The following MGAT4A variants were observed in gnomAD, a reference collection of about 807,000 sequenced individuals.
The protein encoded by MGAT4A is N-acetylglucosaminyltransferase IVa.
A neutral mutation model predicts 74.1 loss-of-function variants in MGAT4A; 33 were observed. That is an observed-to-expected ratio of 0.45 (90% CI 0.34 to 0.60). The LOEUF is 0.60. Among genes scored for constraint, MGAT4A ranks in the 20% least tolerant of loss-of-function variants. The pLI is 0.02. For synonymous variants in MGAT4A, 198 were observed against 210.4 expected (o/e 0.94, Z 0.51); for missense variants, 479 against 628.3 (o/e 0.76, Z 2.54).
In MGAT4A at chr2:98,645,312, A is replaced by C. The variant is rs1352953765; in HGVS notation, c.889+116T>G. 5.5e-6 allele frequency: 4 copies of C among 720,924 alleles called. No homozygotes were observed. The East Asian group carries it at 8.7e-5, about 16-fold the overall frequency. The allele number at this position is 720,924 out of a possible 1,614,324, so 44.7% of individuals were successfully genotyped here. On this transcript the variant is annotated intron_variant, in intron 9 of 15. Transcript: ENST00000393487. ...GTTTACCTAACTTAAGTTTTCTCTAAAACAACCCATTTCCATAGGAAAAAA... is the reference window on the plus strand; with the variant it reads ...GTTTACCTAACTTAAGTTTTCTCTACAACAACCCATTTCCATAGGAAAAAA...
At chr2:98,658,770 C>A (rs1701699785) in intron 5 of MGAT4A, among the ~76,000 whole-genome samples, 1 of 152,172 alleles carries the variant, frequency 6.6e-6, no homozygotes, top group South Asian at 2.1e-4. Flanking sequence ...GCTATTATTA[C>A]ACCATATTAA....
intron 14 of MGAT4A, among the ~76,000 whole-genome samples, chr2:98,632,441 C>G (rs564032325): frequency 1.3e-5 from 2 of 152,382 alleles, no homozygotes; most frequent in South Asian, 4.1e-4. Flanking sequence ...ACTAGCATCT[C>G]TTTCCCTAGT....
intron 8 of MGAT4A, among the ~76,000 whole-genome samples, chr2:98,646,126 G>A (rs1701480908): frequency 1.3e-5 from 2 of 152,000 alleles, no homozygotes; most frequent in African/African-American, 4.8e-5. Flanking sequence ...CTAAGTAAAA[G>A]TCCTATAATT....
chr2:98,701,849 T>G (rs891368625), intron 2 of MGAT4A, among the ~76,000 whole-genome samples: 1 of 152,190 alleles, frequency 6.6e-6, no homozygotes, highest in South Asian at 2.1e-4. Context: ...AACTTTCTTA[T>G]GCCCTGATGT....
At chr2:98,648,993 C>T (rs1701536904) in intron 8 of MGAT4A, among the ~76,000 whole-genome samples, 2 of 152,166 alleles carry the variant, frequency 1.3e-5, no homozygotes, top group South Asian at 4.1e-4. Flanking sequence ...TATGACTGTG[C>T]CACTGCGCTC....
chr2:98,700,468 A>G (rs923508418), intron 2 of MGAT4A, among the ~76,000 whole-genome samples: 1 of 151,756 alleles, frequency 6.6e-6, no homozygotes, highest in African/African-American at 2.4e-5. Flanking sequence ...GAACCCCTTT[A>G]CACTGTCTTC....
Position 98,622,217 on chromosome 2 carries a change from G to A in MGAT4A, c.*3349C>T. On this transcript the variant is annotated 3_prime_UTR_variant, in exon 16 of 16. Coordinates refer to ENST00000393487, the MANE Select transcript of MGAT4A (RefSeq NM_012214.3). Reference sequence around the variant, plus strand: ...AACCTCATGAGAATGTATTAATTGTGGTTTCTAAGCTGTTCATAATTAGCA... The same window carrying A: ...AACCTCATGAGAATGTATTAATTGTAGTTTCTAAGCTGTTCATAATTAGCA... 1 of 985,338 alleles carries A rather than the reference G, an allele frequency of 1.0e-6. No individual in the cohort carries two copies. Among genetic ancestry groups the A allele is most frequent in the Non-Finnish European group, 1.2e-6 (1 of 829,906 alleles). 61.0% of individuals were successfully genotyped at this position (985,338 alleles called of 1,614,324 possible).
intron 4 of MGAT4A, among the ~76,000 whole-genome samples, chr2:98,670,784 CT>C (rs1451298045): frequency 6.6e-6 from 1 of 152,054 alleles, no homozygotes; most frequent in East Asian, 1.9e-4. Context: ...GCTGGAAAAC[CT>C]TCAAGTCTCA....
In MGAT4A at chr2:98,624,695, A is replaced by G; in HGVS notation, c.*871T>C. The G allele has an allele frequency of 1.0e-6, 1 of 982,580 alleles. No individual in the cohort carries two copies. Among genetic ancestry groups the G allele is most frequent in the Non-Finnish European group, 1.2e-6 (1 of 827,242 alleles). 60.9% of individuals were successfully genotyped at this position (982,580 alleles called of 1,614,324 possible). A position where few individuals can be genotyped will look rare whatever the true frequency, so the allele number is the denominator to read the frequency against. ...ATTAAAAAGGAAAGAAGAGTTTGTC[A>G]TTTTACATATCAGAGGAAATATAAT... On this transcript the variant is annotated 3_prime_UTR_variant, in exon 16 of 16. Transcript: ENST00000393487.
At chr2:98,690,213 TGA>T (rs1163856923) in intron 2 of MGAT4A, among the ~76,000 whole-genome samples, 13 of 152,162 alleles carry the variant, frequency 8.5e-5, no homozygotes, top group Admixed American at 1.3e-4. Context: ...CTAGGCCCCC[TGA>T]CACCCATAAT....
intron 8 of MGAT4A, among the ~76,000 whole-genome samples, chr2:98,648,261 G>A (rs1701524257): frequency 6.6e-6 from 1 of 152,194 alleles, no homozygotes; most frequent in Non-Finnish European, 1.5e-5. Flanking sequence ...CACTTTGTGA[G>A]GCTGAGACAG....
rs1482037959 is a variant in MGAT4A, at chr2:98,623,742, C to T, written c.*1824G>A. 4.1e-6 allele frequency: 4 copies of T among 985,418 alleles called. No homozygotes were observed. The highest frequency in any genetic ancestry group is 4.8e-6 in the Non-Finnish European group (4 of 829,924). 61.0% of individuals were successfully genotyped at this position (985,418 alleles called of 1,614,324 possible). The stretch of plus-strand genomic sequence containing the variant: ...ACATGGAGTGATGGAAATAATTGTA[C>T]TGTATCAGTGTTTCCAAACGTTTGC... On this transcript the variant is annotated 3_prime_UTR_variant, in exon 16 of 16. Transcript: ENST00000393487.
At chr2:98,696,854 A>G (rs1250074096) in intron 2 of MGAT4A, among the ~76,000 whole-genome samples, 2 of 152,240 alleles carry the variant, frequency 1.3e-5, no homozygotes, top group Non-Finnish European at 2.9e-5. Flanking sequence ...ATACATTAAG[A>G]AACGGGTGAA....
chr2:98,680,862 T>C (rs1427876572), intron 2 of MGAT4A, among the ~76,000 whole-genome samples: 1 of 152,246 alleles, frequency 6.6e-6, no homozygotes, highest in Non-Finnish European at 1.5e-5. Context: ...AGCTTTTTAC[T>C]GAAGTCTATA....
At chr2:98,703,639 G>T (rs1462699257) in intron 2 of MGAT4A, among the ~76,000 whole-genome samples, 1 of 152,038 alleles carries the variant, frequency 6.6e-6, no homozygotes, top group Non-Finnish European at 1.5e-5. Context: ...ATCCAAAGAT[G>T]TCCCTGTGGC....
rs778249119 is a variant in MGAT4A, at chr2:98,656,419, G to C, written c.631C>G (p.Pro211Ala). The C allele has an allele frequency of 6.2e-7, 1 of 1,612,274 alleles. No individual in the cohort carries two copies. Among genetic ancestry groups the C allele is most frequent in the South Asian group, 1.1e-5 (1 of 90,824 alleles). ...SSGLVEVISP[P>A]ESYYPDLTNL... Reference sequence around the variant, plus strand: ...GTCAAGTCAGGATAATAGCTTTCAGGGGGTGATATGACTTCCACCAAGCCA... The same window carrying C: ...GTCAAGTCAGGATAATAGCTTTCAGCGGGTGATATGACTTCCACCAAGCCA... Residue 211 changes from proline to alanine, a missense_variant, in exon 7 of 16, where the codon CCT becomes GCT. Physicochemically the swap from Pro to Ala is conservative, Grantham distance 27. This residue lies in a region of MGAT4A where 38 missense variants were observed against 87.4 expected (regional missense o/e 0.43). Coordinates refer to ENST00000393487, the MANE Select transcript of MGAT4A (RefSeq NM_012214.3).
intron 8 of MGAT4A, among the ~76,000 whole-genome samples, chr2:98,653,677 T>A (rs984368068): frequency 2.6e-5 from 4 of 152,072 alleles, no homozygotes; most frequent in African/African-American, 9.7e-5. Context: ...AAAGCAGTAA[T>A]CAAAAACCTC....
chr2:98,716,626 G>A (rs1014219472), intron 2 of MGAT4A, among the ~76,000 whole-genome samples: 2 of 152,116 alleles, frequency 1.3e-5, no homozygotes, highest in East Asian at 1.9e-4. Flanking sequence ...CTCCATCTCA[G>A]AAAAGAAAGG....
intron 2 of MGAT4A, among the ~76,000 whole-genome samples, chr2:98,702,186 T>C (rs1454406549): frequency 6.6e-6 from 1 of 152,252 alleles, no homozygotes. Context: ...TCATCTGCCC[T>C]GCCCTCAGCT....
Sources: allele counts gnomAD v4.1 joint callset (sites outside exome capture counted in the v4.1 genomes callset), GRCh38; gene constraint gnomAD v4.1.1; regional missense constraint gnomAD v4.1.1; transcripts MANE v1.5; gene names NCBI Gene and HGNC (gene_info 2026-07-23, HGNC 2026-07-21).